ELP2: variants seen among roughly 807,000 people sequenced by gnomAD.
ELP2 encodes the protein elongator acetyltransferase complex subunit 2, also known as elongator complex protein 2.
Under a neutral mutation model 119.2 loss-of-function variants are expected in ELP2, and 90 were observed. That is an observed-to-expected ratio of 0.75 (90% CI 0.64 to 0.90). ELP2 has a LOEUF of 0.90. ELP2 is among the 40% of genes least tolerant of loss of function. The pLI, the probability that ELP2 is intolerant of heterozygous loss-of-function variation, is 0.00. For missense variants in ELP2, 921 were observed against 967.8 expected (o/e 0.95, Z 0.64); for synonymous variants, 339 against 331.0 (o/e 1.02, Z -0.26).
Position 36,178,878 on chromosome 18 carries a change from G to A in ELP2, c.*4237G>A, listed in dbSNP as rs1335613043. 1.3e-5 allele frequency: 2 copies of A among 152,100 alleles called. No individual in the cohort carries two copies. The highest frequency in any genetic ancestry group is 4.8e-5 in the African/African-American group (2 of 41,416). The allele number at this position is 152,100 out of a possible 1,614,324, so 9.4% of individuals were successfully genotyped here. The stretch of plus-strand genomic sequence containing the variant: ...ATTATTAATGAAGCTGGGCAGTGTT[G>A]GGGTGGTCATACTATTCTAATTTTT... On this transcript the variant is annotated 3_prime_UTR_variant, in exon 22 of 22. Coordinates refer to ENST00000358232, the MANE Select transcript of ELP2 (RefSeq NM_018255.4).
intron 3 of ELP2, chr18:36,136,601 G>T: frequency 1.9e-6 from 1 of 534,542 alleles, no homozygotes. Context: ...TTGTTGCCCA[G>T]GCTGGTCTCA....
At chr18:36,155,034 G>T in intron 12 of ELP2, 35 bp downstream of exon 12, 1 of 1,572,184 alleles carries the variant, frequency 6.4e-7, no homozygotes, top group East Asian at 2.3e-5. Flanking sequence ...ATTTTTTCTT[G>T]GGACAGAGTT....
chr18:36,163,277 T>G lies in ELP2; in HGVS notation c.1762-1198T>G, dbSNP rs988440674. Among the ~76,000 whole-genome samples, 3 of 151,466 alleles carry G rather than the reference T, an allele frequency of 2.0e-5. 1 individual carries two copies. The highest frequency in any genetic ancestry group is 7.3e-5 in the African/African-American group (3 of 41,132). On this transcript the variant is annotated intron_variant, in intron 17 of 21. Coordinates refer to ENST00000358232, the MANE Select transcript of ELP2 (RefSeq NM_018255.4). ...TGGCCGAGTAGTAGTTCATGGGGGG[T>G]GTGTGTGTGTGTGTGTGTGTGTATA... is the stretch of plus-strand genomic sequence containing the variant.
intron 4 of ELP2, 130 bp from the exon 5 acceptor site, chr18:36,138,665 G>C (rs2089917513): frequency 1.1e-6 from 1 of 913,596 alleles, no homozygotes; most frequent in African/African-American, 1.6e-5. Context: ...CACATGGTCA[G>C]TGGGGGCTCA....
At chr18:36,159,861 C>T (rs368529438) in intron 15 of ELP2, 31 bp downstream of exon 15, 25 of 1,605,538 alleles carry the variant, frequency 1.6e-5, no homozygotes, top group Middle Eastern at 1.6e-4. Flanking sequence ...TTTAATAAAT[C>T]GCTAGAACAC....
chr18:36,130,286 C>G (rs568939096), intron 1 of ELP2, among the ~76,000 whole-genome samples: 1 of 152,206 alleles, frequency 6.6e-6, no homozygotes, highest in African/African-American at 2.4e-5. Flanking sequence ...ATCCTAGGGT[C>G]ATTGCTGCCC....
chr18:36,158,337 G>A lies in ELP2; in HGVS notation c.1465-498G>A, dbSNP rs531983664. ...TTGCCTTTTCAAATGACACTCATAC[G>A]AAGTTTTAAAATACTCAGTTAGTTA... On this transcript the variant is annotated intron_variant, in intron 13 of 21. Transcript: ENST00000358232. Among the ~76,000 whole-genome samples, 38 of 152,224 alleles carry A rather than the reference G, an allele frequency of 2.5e-4. 1 individual carries two copies. The South Asian group carries it at 6.4e-3, about 26-fold the overall frequency.
At chr18:36,141,521 A>C (rs17648916) in intron 6 of ELP2, 24,557 of 325,674 alleles carry the variant, frequency 0.075, 1,099 homozygotes, top group Middle Eastern at 0.11. Context: ...AAGCATTCCT[A>C]GTAGTGTTTA....
chr18:36,169,550 C>G (rs2091014627), intron 19 of ELP2, among the ~76,000 whole-genome samples: 1 of 152,010 alleles, frequency 6.6e-6, no homozygotes, highest in African/African-American at 2.4e-5. Flanking sequence ...CCACGCCCAG[C>G]TTATTTTTTG....
At chr18:36,141,955 A>G (rs563410584) in intron 6 of ELP2, among the ~76,000 whole-genome samples, 22 of 152,236 alleles carry the variant, frequency 1.4e-4, no homozygotes, top group African/African-American at 5.3e-4. Flanking sequence ...CAGCCTCGCA[A>G]GGTATTAGGA....
At position 36,175,548 on chromosome 18, in the gene ELP2, T is replaced by TA. The variant is rs1671644841; in HGVS notation, c.*913dup. 1.3e-5 allele frequency: 2 copies of TA among 152,056 alleles called. No individual in the cohort carries two copies. The highest frequency in any genetic ancestry group is 4.8e-5 in the African/African-American group (2 of 41,362). The allele number at this position is 152,056 out of a possible 1,614,324, so 9.4% of individuals were successfully genotyped here. A position where few individuals can be genotyped will look rare whatever the true frequency, so the allele number is the denominator to read the frequency against. ...CATTTAAACTGACAGATGTAGGAGGTAAAAAATAGAGTTCTGAAACATTTG... is the reference window on the plus strand; with the variant it reads ...CATTTAAACTGACAGATGTAGGAGGTAAAAAAATAGAGTTCTGAAACATTTG... On this transcript the variant is annotated 3_prime_UTR_variant, in exon 22 of 22. Transcript: ENST00000358232.
Position 36,159,663 on chromosome 18 carries a change from G to A in ELP2, c.1535-72G>A, listed in dbSNP as rs571635732. 534 of 1,091,648 alleles carry A rather than the reference G, an allele frequency of 4.9e-4. 3 individuals are homozygous for A. The highest frequency in any genetic ancestry group is 1.9e-3 in the South Asian group (149 of 80,048). The allele number at this position is 1,091,648 out of a possible 1,614,324, so 67.6% of individuals were successfully genotyped here. On this transcript the variant is annotated intron_variant, in intron 14 of 21. Transcript: ENST00000358232. ...AATTACCACTGCTTTCTATGTGGTG[G>A]CCTTAATATTGAGACAAGTGAAGGA...
intron 8 of ELP2, among the ~76,000 whole-genome samples, chr18:36,144,624 C>T (rs2090140465): frequency 6.6e-6 from 1 of 152,164 alleles, no homozygotes; most frequent in African/African-American, 2.4e-5. Flanking sequence ...GCTGGCATGA[C>T]TGTTTTTCCT....
At chr18:36,136,648 T>C in intron 3 of ELP2, 1 of 385,820 alleles carries the variant, frequency 2.6e-6, no homozygotes, top group South Asian at 3.2e-5. Flanking sequence ...TTTAAGTTTT[T>C]TTCTTCAACT....
intron 18 of ELP2, among the ~76,000 whole-genome samples, chr18:36,166,348 C>A (rs8098449): frequency 3.3e-5 from 3 of 90,816 alleles, no homozygotes; most frequent in African/African-American, 4.4e-5. Flanking sequence ...TTTTTTTTTT[C>A]AGACGGAGTT....
At chr18:36,154,801 T>A in intron 11 of ELP2, 49 bp from the exon 12 acceptor site, 1 of 1,609,806 alleles carries the variant, frequency 6.2e-7, no homozygotes, top group Middle Eastern at 1.7e-4. Context: ...TTTACTTTGG[T>A]GGTAGTCTTT....
intron 18 of ELP2, among the ~76,000 whole-genome samples, chr18:36,166,326 T>TTTGG: frequency 1.1e-5 from 1 of 89,120 alleles, no homozygotes; most frequent in Non-Finnish European, 2.3e-5. Context: ...AGGGTTTTTT[T>TTTGG]TTTTTTTTTT....
At chr18:36,130,669 C>A (rs1019442155) in intron 1 of ELP2, among the ~76,000 whole-genome samples, 3 of 152,160 alleles carry the variant, frequency 2.0e-5, no homozygotes, top group Non-Finnish European at 4.4e-5. Context: ...TGGTGCTTTC[C>A]TCACCATATT....
rs1414536488 is a variant in ELP2, at chr18:36,171,072, T to C, written c.2236T>C (p.Cys746Arg). ...ATACGTGGTTGCAGTAGGATTGGAG[T>C]GTGGAAAGATTTGCTTATATACCTG... ...QRYVVAVGLECGKICLYTWKK... is the reference protein window; with the variant it reads ...QRYVVAVGLERGKICLYTWKK... Residue 746 changes from cysteine to arginine, a missense_variant, in exon 21 of 22, where the codon TGT (cysteine) becomes CGT (arginine). Physicochemically the swap from Cys to Arg is radical, Grantham distance 180. Coordinates refer to ENST00000358232, the MANE Select transcript of ELP2 (RefSeq NM_018255.4). The C allele has an allele frequency of 6.2e-7, 1 of 1,613,720 alleles. No homozygotes were observed. The highest frequency in any genetic ancestry group is 8.5e-7 in the Non-Finnish European group (1 of 1,179,584).
Sources: allele counts gnomAD v4.1 joint callset (sites outside exome capture counted in the v4.1 genomes callset), GRCh38; gene constraint gnomAD v4.1.1; transcripts MANE v1.5; gene names NCBI Gene and HGNC (gene_info 2026-07-23, HGNC 2026-07-21).